Variants in FBXO16 observed in about 807,000 individuals in gnomAD.
FBXO16 encodes F-box protein 16.
Under a neutral mutation model 41.0 loss-of-function variants are expected in FBXO16, and 31 were observed. The ratio of observed to expected loss-of-function variants is 0.76; its 90% CI spans 0.57 to 1.02. The LOEUF is 1.02. Among genes scored for constraint, FBXO16 ranks in the 50% least tolerant of loss-of-function variants. The pLI is 0.00. For synonymous variants in FBXO16, 133 were observed against 117.8 expected, an observed-to-expected ratio of 1.13 and a Z score of -0.84; for missense variants, 361 against 346.2, an observed-to-expected ratio of 1.04 and a Z score of -0.34.
At chr8:28,464,741 C>A (rs1803205508) in intron 3 of FBXO16, among the ~76,000 whole-genome samples, 1 of 152,114 alleles carries the variant, frequency 6.6e-6, no homozygotes, top group Admixed American at 6.5e-5. Flanking sequence ...GCAACCTCCA[C>A]CTCCTGGGTT....
chr8:28,462,948 C>T (rs78543835), intron 4 of FBXO16, among the ~76,000 whole-genome samples: 1 of 152,162 alleles, frequency 6.6e-6, no homozygotes, highest in Non-Finnish European at 1.5e-5. Flanking sequence ...AGTATAAGAC[C>T]GTCCTGCTGA....
Position 28,473,760 on chromosome 8 carries a change from T to C in FBXO16, c.135+12A>G. 6.3e-7 allele frequency: 1 copy of C among 1,595,506 alleles called. No homozygotes were observed. On this transcript the variant is annotated intron_variant, in intron 3 of 8. Coordinates refer to ENST00000380254, the MANE Select transcript of FBXO16 (RefSeq NM_172366.4). ...ATAACATAATGCAAAAATAGTATTTTTAAATGTTTACCCATTTGCCAAGCA... is the reference window on the plus strand; with the variant it reads ...ATAACATAATGCAAAAATAGTATTTCTAAATGTTTACCCATTTGCCAAGCA...
chr8:28,456,676 C>T, intron 5 of FBXO16, 90 bp downstream of exon 5: 2 of 1,448,062 alleles, frequency 1.4e-6, no homozygotes, highest in Non-Finnish European at 1.9e-6. Context: ...ACCTCCCTTC[C>T]CCAACTTCCA....
intron 4 of FBXO16, among the ~76,000 whole-genome samples, chr8:28,458,883 GGTAA>G (rs1223817843): frequency 6.6e-6 from 1 of 152,074 alleles, no homozygotes; most frequent in Non-Finnish European, 1.5e-5. Context: ...AGAATTGAAA[GGTAA>G]GTAAGAGCTT....
At chr8:28,449,315 CTTTTTTTTTTTT>C (rs59021779) in intron 6 of FBXO16, among the ~76,000 whole-genome samples, 3 of 94,842 alleles carry the variant, frequency 3.2e-5, no homozygotes, top group African/African-American at 1.3e-4. Context: ...ATGTAGACTT[CTTTTTTTTTTTT>C]TTTTTTTTTT....
Position 28,456,873 on chromosome 8 carries a change from A to C in FBXO16, c.400T>G (p.Leu134Val). The C allele has an allele frequency of 6.2e-7, 1 of 1,614,180 alleles. No homozygotes were observed. Among genetic ancestry groups the C allele is most frequent in the Non-Finnish European group, 8.5e-7 (1 of 1,180,016 alleles). ...AAATTGATGTACCAGTTAAACCGTAAACATTTCAGCATCCAGAGCTGGTCC... is the reference window on the plus strand; with the variant it reads ...AAATTGATGTACCAGTTAAACCGTACACATTTCAGCATCCAGAGCTGGTCC... Reference protein sequence around the residue: ...ELDQLWMLKCLRFNWYINFSP... With the variant: ...ELDQLWMLKCVRFNWYINFSP... The change falls in exon 5 of 9, where the codon TTA becomes GTA. Residue 134 changes from leucine to valine, a missense_variant. By Grantham distance (32) the Leu-to-Val change is conservative (BLOSUM62 1). Coordinates refer to ENST00000380254, the MANE Select transcript of FBXO16 (RefSeq NM_172366.4).
intron 3 of FBXO16, 140 bp from the exon 4 acceptor site, chr8:28,463,958 T>C (rs1262631527): frequency 7.4e-6 from 6 of 811,730 alleles, no homozygotes; most frequent in Middle Eastern, 5.4e-4. Context: ...AATCAGCAAA[T>C]TCCATGCTTT....
intron 4 of FBXO16, among the ~76,000 whole-genome samples, 161 bp from the exon 5 acceptor site, chr8:28,457,091 T>C (rs111814832): frequency 4.7e-4 from 72 of 152,332 alleles, no homozygotes; most frequent in African/African-American, 1.6e-3. Context: ...ACCTGAAGTG[T>C]TTCCTACCCA....
chr8:28,459,859 T>G lies in FBXO16; in HGVS notation c.343-2929A>C, dbSNP rs538529773. On this transcript the variant is annotated intron_variant, in intron 4 of 8. Transcript: ENST00000380254. ...CTGGCCAACATGGTGAAACCCTGTC[T>G]CTAGTAAAAGTACAAAAATTAGCCA... Among the ~76,000 whole-genome samples, 4 of 151,640 alleles carry G rather than the reference T, an allele frequency of 2.6e-5. No individual in the cohort carries two copies. In the East Asian group the frequency reaches 7.8e-4, roughly 30 times the overall value.
intron 5 of FBXO16, among the ~76,000 whole-genome samples, chr8:28,454,638 G>A (rs1310000737): frequency 6.7e-6 from 1 of 148,546 alleles, no homozygotes; most frequent in Non-Finnish European, 1.5e-5. Context: ...TGAGGAAGGA[G>A]AATGGCGTGA....
chr8:28,472,098 GGTTT>G (rs1041270824), intron 3 of FBXO16, among the ~76,000 whole-genome samples: 4 of 151,974 alleles, frequency 2.6e-5, no homozygotes, highest in Non-Finnish European at 2.9e-5. Context: ...TCTATTTTGG[GGTTT>G]GTTTGTTTTG....
intron 1 of FBXO16, among the ~76,000 whole-genome samples, chr8:28,486,453 A>C (rs1176257149): frequency 6.6e-6 from 1 of 151,950 alleles, no homozygotes; most frequent in African/African-American, 2.4e-5. Context: ...CAAACTCCTG[A>C]CCTCAGGTGA....
intron 7 of FBXO16, among the ~76,000 whole-genome samples, chr8:28,445,255 T>C: frequency 6.6e-6 from 1 of 152,234 alleles, no homozygotes; most frequent in Non-Finnish European, 1.5e-5. Context: ...TAATGTACCC[T>C]GGTTTCCCTT....
intron 7 of FBXO16, among the ~76,000 whole-genome samples, chr8:28,433,217 AGAG>A (rs138682480): frequency 0.068 from 10,375 of 152,220 alleles, 1,212 homozygotes; most frequent in African/African-American, 0.24. Context: ...TTCTTTTTCT[AGAG>A]GTATTTACCC....
chr8:28,455,662 T>C (rs1803028198), intron 5 of FBXO16: 1 of 152,222 alleles, frequency 6.6e-6, no homozygotes, highest in Non-Finnish European at 1.5e-5. Flanking sequence ...GAGAATGAGA[T>C]GCAAGAGAAG....
Position 28,463,628 on chromosome 8 carries a change from A to C in FBXO16, c.326T>G (p.Leu109Arg), listed in dbSNP as rs771316344. 6.2e-7 allele frequency: 1 copy of C among 1,614,036 alleles called. No homozygotes were observed. The highest frequency in any genetic ancestry group is 1.7e-5 in the Admixed American group (1 of 60,008). ...TGCCTTTACCTGTGCACAACGACAA[A>C]GGCTCCGAGGGTCCAGGAAAGAAAA... ...YIFSFLDPRS[L>R]CRCAQVCWHW... The change falls in exon 4 of 9, where the codon CTT becomes CGT. Residue 109 changes from leucine to arginine, a missense_variant. By Grantham distance (102) the Leu-to-Arg change is moderately radical (BLOSUM62 -2). Coordinates refer to ENST00000380254, the MANE Select transcript of FBXO16 (RefSeq NM_172366.4).
At chr8:28,458,147 C>T (rs1803066322) in intron 4 of FBXO16, among the ~76,000 whole-genome samples, 1 of 152,218 alleles carries the variant, frequency 6.6e-6, no homozygotes, top group Non-Finnish European at 1.5e-5. Flanking sequence ...CCCTCACCCC[C>T]AAAAGGGGAA....
chr8:28,428,768 G>C (rs1802564978), intron 8 of FBXO16, 32 bp from the exon 9 acceptor site: 2 of 1,477,480 alleles, frequency 1.4e-6, no homozygotes, highest in Non-Finnish European at 1.8e-6. Flanking sequence ...TGAAAGCGAG[G>C]GTTATTGAAA....
chr8:28,433,082 AAAC>A (rs1424276607), intron 7 of FBXO16, among the ~76,000 whole-genome samples: 3 of 143,910 alleles, frequency 2.1e-5, no homozygotes, highest in Non-Finnish European at 4.4e-5. Flanking sequence ...AACAAACAAA[AAAC>A]AAACAAACAA....
Sources: gnomAD v4.1 joint callset for allele counts (sites outside exome capture counted in the v4.1 genomes callset) on GRCh38, gnomAD v4.1.1 for gene constraint, MANE v1.5 for transcripts, NCBI Gene and HGNC (gene_info 2026-07-23, HGNC 2026-07-21) for gene names.